The following UBE2H variants were observed in gnomAD, a reference collection of about 807,000 sequenced individuals.
UBE2H encodes the protein ubiquitin-conjugating enzyme E2 H.
A neutral mutation model predicts 29.0 loss-of-function variants in UBE2H; 3 were observed. That is an observed-to-expected ratio of 0.10 (90% confidence interval 0.05 to 0.27). The LOEUF (loss-of-function observed/expected upper bound fraction) is 0.27, where lower values mean the gene tolerates loss of function less well. Ranked by LOEUF, UBE2H falls within the 10% of genes least tolerant of loss-of-function variation. The probability of loss-of-function intolerance (pLI) is 1.00; values close to 1 mark genes in which losing one functional copy is unlikely to be tolerated. For synonymous variants in UBE2H, 69 were observed against 82.9 expected (o/e 0.83, Z 0.91); for missense variants, 68 against 228.2 (o/e 0.30, Z 4.52).
At chr7:129,835,360 GA>G (rs1805302886) in intron 6 of UBE2H, among the ~76,000 whole-genome samples, 1 of 152,272 alleles carries the variant, frequency 6.6e-6, no homozygotes, top group East Asian at 1.9e-4. Flanking sequence ...AGGGACCAGG[GA>G]AATGGGAGCC....
chr7:129,918,768 ATATGTT>A (rs1807094721), intron 1 of UBE2H, among the ~76,000 whole-genome samples: 1 of 152,150 alleles, frequency 6.6e-6, no homozygotes, highest in African/African-American at 2.4e-5. Context: ...TTCTCTATGT[ATATGTT>A]TAACATGTAA....
At chr7:129,881,082 T>A in intron 1 of UBE2H, 111 bp from the exon 2 acceptor site, 1 of 762,884 alleles carries the variant, frequency 1.3e-6, no homozygotes, top group Non-Finnish European at 2.1e-6. Context: ...GGCATGACAT[T>A]GATAAAATAT....
chr7:129,836,513 T>C (rs745309893), intron 6 of UBE2H, among the ~76,000 whole-genome samples: 8 of 152,168 alleles, frequency 5.3e-5, no homozygotes, highest in Admixed American at 2.6e-4. Context: ...AGCTATGGCA[T>C]AGGAGAGGCC....
chr7:129,925,236 T>C (rs1356600485), intron 1 of UBE2H, among the ~76,000 whole-genome samples: 1 of 151,948 alleles, frequency 6.6e-6, no homozygotes, highest in African/African-American at 2.4e-5. Context: ...TAATCCCAGC[T>C]ACTCGGGAGG....
chr7:129,944,716 ACAC>A (rs1563054821), intron 1 of UBE2H, among the ~76,000 whole-genome samples: 1 of 10,040 alleles, frequency 1.0e-4, no homozygotes, highest in African/African-American at 1.5e-4. Context: ...TGCGCTCAAA[ACAC>A]ACACACACAC....
chr7:129,853,822 T>C (rs1805654983), intron 5 of UBE2H, among the ~76,000 whole-genome samples: 1 of 152,180 alleles, frequency 6.6e-6, no homozygotes, highest in Non-Finnish European at 1.5e-5. Context: ...TTAACATACA[T>C]CTGAAATTTC....
rs1162201252 is a variant in UBE2H at position 129,831,698 on chromosome 7, G to A, written c.*3239C>T. 1 of 152,238 alleles carries A rather than the reference G, an allele frequency of 6.6e-6. No individual in the cohort carries two copies. The highest frequency in any genetic ancestry group is 1.9e-4 in the East Asian group (1 of 5,202). The allele number at this position is 152,238 out of a possible 1,614,324, so 9.4% of individuals were successfully genotyped here. On this transcript the variant is annotated 3_prime_UTR_variant, in exon 7 of 7. Coordinates refer to ENST00000355621, the MANE Select transcript of UBE2H (RefSeq NM_003344.4). ...ACTGCACAGTAACCTCAAGGAGGGTGATGAAATTGACGACAAAGCCAAATG... is the reference window on the plus strand; with the variant it reads ...ACTGCACAGTAACCTCAAGGAGGGTAATGAAATTGACGACAAAGCCAAATG...
At chr7:129,934,178 C>A (rs1311575003) in intron 1 of UBE2H, among the ~76,000 whole-genome samples, 1 of 152,018 alleles carries the variant, frequency 6.6e-6, no homozygotes, top group African/African-American at 2.4e-5. Flanking sequence ...AAAAATTATC[C>A]GGGCATTATA....
chr7:129,925,498 A>G (rs982298020), intron 1 of UBE2H, among the ~76,000 whole-genome samples: 4 of 152,240 alleles, frequency 2.6e-5, no homozygotes, highest in Admixed American at 2.6e-4. Flanking sequence ...GAAAAAAGCG[A>G]AACAACATTC....
rs1807911321 is a variant in UBE2H, at chr7:129,952,791, T to G, written c.-236A>C. ...GGCTCGGGCTGCCCCTCTCCGGCTGTGGTTCCGCCGCGGCCCTGCCCCGGC... is the reference window on the plus strand; with the variant it reads ...GGCTCGGGCTGCCCCTCTCCGGCTGGGGTTCCGCCGCGGCCCTGCCCCGGC... On this transcript the variant is annotated 5_prime_UTR_variant, in exon 1 of 7. Transcript: ENST00000355621. 9.1e-6 allele frequency: 3 copies of G among 328,102 alleles called. No homozygotes were observed. The highest frequency in any genetic ancestry group is 1.6e-5 in the Non-Finnish European group (3 of 183,934). The allele number at this position is 328,102 out of a possible 1,614,324, so 20.3% of individuals were successfully genotyped here.
At chr7:129,949,767 C>T (rs981151166) in intron 1 of UBE2H, among the ~76,000 whole-genome samples, 3 of 152,152 alleles carry the variant, frequency 2.0e-5, no homozygotes, top group African/African-American at 7.2e-5. Flanking sequence ...CACACTGCTA[C>T]TTTCCTACTA....
At chr7:129,865,563 C>T (rs764858562) in intron 3 of UBE2H, among the ~76,000 whole-genome samples, 1 of 152,182 alleles carries the variant, frequency 6.6e-6, no homozygotes, top group Non-Finnish European at 1.5e-5. Flanking sequence ...CTACGGTAAA[C>T]GGGTGAAGAT....
chr7:129,935,489 A>G (rs184843886), intron 1 of UBE2H, among the ~76,000 whole-genome samples: 3 of 152,164 alleles, frequency 2.0e-5, no homozygotes, highest in African/African-American at 7.2e-5. Flanking sequence ...TGAAAACAGC[A>G]TGCTGCCATT....
At chr7:129,895,048 T>C (rs1806573074) in intron 1 of UBE2H, among the ~76,000 whole-genome samples, 1 of 152,208 alleles carries the variant, frequency 6.6e-6, no homozygotes, top group Non-Finnish European at 1.5e-5. Context: ...TTTTAGAAGG[T>C]AGGACCTTAA....
chr7:129,949,671 A>T (rs866165304), intron 1 of UBE2H, among the ~76,000 whole-genome samples: 4 of 152,256 alleles, frequency 2.6e-5, no homozygotes, highest in South Asian at 4.2e-4. Context: ...CCAAACAACA[A>T]CCAGAGACGG....
At chr7:129,870,557 T>C (rs1806007912) in intron 3 of UBE2H, among the ~76,000 whole-genome samples, 1 of 152,188 alleles carries the variant, frequency 6.6e-6, no homozygotes, top group South Asian at 2.1e-4. Flanking sequence ...GCTTGGATGA[T>C]TTCCTTAATG....
intron 1 of UBE2H, among the ~76,000 whole-genome samples, chr7:129,942,568 AGCT>A (rs1485563127): frequency 2.6e-5 from 4 of 152,190 alleles, no homozygotes; most frequent in Non-Finnish European, 4.4e-5. Flanking sequence ...TCTGTCACTG[AGCT>A]GCTGTTAGTT....
intron 1 of UBE2H, among the ~76,000 whole-genome samples, chr7:129,914,141 T>C (rs902688105): frequency 1.3e-5 from 2 of 151,764 alleles, no homozygotes; most frequent in Admixed American, 1.3e-4. Context: ...AGACAACGTA[T>C]CAAGTTCCCA....
chr7:129,944,127 T>C (rs1363843270), intron 1 of UBE2H, among the ~76,000 whole-genome samples: 2 of 148,934 alleles, frequency 1.3e-5, no homozygotes, highest in South Asian at 2.1e-4. Context: ...GAGGCCACGG[T>C]GGGCAGATCA....
Sources: allele counts gnomAD v4.1 joint callset (sites outside exome capture counted in the v4.1 genomes callset), GRCh38; gene constraint gnomAD v4.1.1; transcripts MANE v1.5; gene names NCBI Gene and HGNC (gene_info 2026-07-23, HGNC 2026-07-21).